ARB2A: variants seen among roughly 807,000 people sequenced by gnomAD.
The protein encoded by ARB2A is cotranscriptional regulator ARB2A.
chr5:93,984,035 T>A, the ARB2A span, among the ~76,000 whole-genome samples: 1 of 152,142 alleles, frequency 6.6e-6, no homozygotes, highest in Admixed American at 6.5e-5. Context: ...TTATGCAACA[T>A]TAGCAAAATT....
At chr5:94,043,459 T>A in the ARB2A span, among the ~76,000 whole-genome samples, 1 of 152,360 alleles carries the variant, frequency 6.6e-6, no homozygotes, top group African/African-American at 2.4e-5. Flanking sequence ...GCAATATAGT[T>A]ATTTGCATAA....
At chr5:94,073,521 T>G in the ARB2A span, among the ~76,000 whole-genome samples, 105 of 152,160 alleles carry the variant, frequency 6.9e-4, 3 homozygotes, top group South Asian at 0.021. Flanking sequence ...CTGTACTACC[T>G]CTAAAATCCA....
chr5:93,874,431 G>A, the ARB2A span, among the ~76,000 whole-genome samples: 1 of 152,276 alleles, frequency 6.6e-6, no homozygotes, highest in Admixed American at 6.5e-5. Context: ...GAAGGGGAGA[G>A]CTTCCAGGTT....
At chr5:93,698,319 T>C in the ARB2A span, among the ~76,000 whole-genome samples, 1 of 152,162 alleles carries the variant, frequency 6.6e-6, no homozygotes, top group Non-Finnish European at 1.5e-5. Flanking sequence ...TTCCAGGTGC[T>C]AGGGATGTAT....
At chr5:93,877,739 GGTTA>G in the ARB2A span, among the ~76,000 whole-genome samples, 1 of 152,082 alleles carries the variant, frequency 6.6e-6, no homozygotes, top group Admixed American at 6.6e-5. Flanking sequence ...AGGGGTCATC[GGTTA>G]TAGTGAGAGG....
the ARB2A span, among the ~76,000 whole-genome samples, chr5:94,065,967 A>G: frequency 1.3e-5 from 2 of 152,204 alleles, no homozygotes; most frequent in Non-Finnish European, 2.9e-5. Context: ...AGGATAGACC[A>G]TATGTTAGGC....
At chr5:93,736,706 T>C in the ARB2A span, 1 of 152,178 alleles carries the variant, frequency 6.6e-6, no homozygotes, top group African/African-American at 2.4e-5. Context: ...TAGGATTTCA[T>C]ATTTCCCTTA....
At chr5:93,657,168 T>A in the ARB2A span, among the ~76,000 whole-genome samples, 1 of 152,192 alleles carries the variant, frequency 6.6e-6, no homozygotes, top group African/African-American at 2.4e-5. Context: ...AGGCCACAGA[T>A]AATAGTAGCA....
chr5:93,853,111 T>A, the ARB2A span, among the ~76,000 whole-genome samples: 1 of 152,190 alleles, frequency 6.6e-6, no homozygotes, highest in African/African-American at 2.4e-5. Context: ...CTTCCATTTG[T>A]TTGTATCCTC....
the ARB2A span, among the ~76,000 whole-genome samples, chr5:93,981,231 C>T: frequency 6.6e-6 from 1 of 151,918 alleles, no homozygotes; most frequent in Non-Finnish European, 1.5e-5. Context: ...CCACGCCTGG[C>T]TAATTTTTTG....
At chr5:93,735,835 A>G in the ARB2A span, 3 of 152,188 alleles carry the variant, frequency 2.0e-5, 1 homozygote, top group South Asian at 6.2e-4. Flanking sequence ...TGTGGAGGAA[A>G]TGGTCTCACT....
the ARB2A span, among the ~76,000 whole-genome samples, chr5:93,927,664 T>C: frequency 3.6e-4 from 55 of 152,300 alleles, no homozygotes; most frequent in African/African-American, 1.2e-3. Context: ...GTTCTCTCAA[T>C]TGGTTCCGAA....
At chr5:93,893,507 T>C in the ARB2A span, among the ~76,000 whole-genome samples, 2 of 152,308 alleles carry the variant, frequency 1.3e-5, no homozygotes, top group Non-Finnish European at 2.9e-5. Context: ...GCCATGTTAT[T>C]ATCTACCACA....
At chr5:93,918,904 C>T in the ARB2A span, among the ~76,000 whole-genome samples, 1 of 152,192 alleles carries the variant, frequency 6.6e-6, no homozygotes, top group African/African-American at 2.4e-5. Flanking sequence ...CTTATTCCCT[C>T]GTCAGCTCCC....
chr5:93,621,170 G>C, the ARB2A span: 1 of 1,549,314 alleles, frequency 6.5e-7, no homozygotes, highest in Non-Finnish European at 8.7e-7. Flanking sequence ...TGGCCACGCG[G>C]GGCCAGGCGC....
the ARB2A span, among the ~76,000 whole-genome samples, chr5:93,853,276 A>T: frequency 3.3e-5 from 5 of 152,280 alleles, no homozygotes; most frequent in East Asian, 9.6e-4. Flanking sequence ...ATTGGTGTAT[A>T]AGAATGTTTG....
chr5:93,785,139 AT>A, the ARB2A span, among the ~76,000 whole-genome samples: 1 of 152,218 alleles, frequency 6.6e-6, no homozygotes, highest in African/African-American at 2.4e-5. Flanking sequence ...AGCTTCTAAA[AT>A]AACAAAAAAA....
At chr5:93,629,701 A>G in the ARB2A span, among the ~76,000 whole-genome samples, 1 of 152,206 alleles carries the variant, frequency 6.6e-6, no homozygotes, top group African/African-American at 2.4e-5. Context: ...ATACATTTTT[A>G]AAGAAAAAGG....
At chr5:94,032,990 C>T in the ARB2A span, among the ~76,000 whole-genome samples, 1 of 152,136 alleles carries the variant, frequency 6.6e-6, no homozygotes, top group South Asian at 2.1e-4. Context: ...ATGCTGTTCT[C>T]ATGATAGTGA....
Sources: allele counts gnomAD v4.1 joint callset (sites outside exome capture counted in the v4.1 genomes callset), GRCh38; gene constraint gnomAD v4.1.1; transcripts MANE v1.5; gene names NCBI Gene and HGNC (gene_info 2026-07-23, HGNC 2026-07-21).